The following BTK variants were observed in gnomAD, a reference collection of about 807,000 sequenced individuals.
BTK encodes the protein Bruton tyrosine kinase.
BTK carries 5 observed loss-of-function variants against 57.4 expected under a neutral mutation model. That is an observed-to-expected ratio of 0.09 (90% CI 0.05 to 0.18). BTK has a LOEUF of 0.18. Ranked by LOEUF, BTK falls within the 10% of genes least tolerant of loss-of-function variation. The pLI, the probability that BTK is intolerant of heterozygous loss-of-function variation, is 1.00. For missense variants in BTK, 194 were observed against 501.2 expected (o/e 0.39, Z 5.85); for synonymous variants, 154 against 174.3 (o/e 0.88, Z 0.92).
chrX:101,357,896 C>T (rs1309736148), intron 12 of BTK, among the ~76,000 whole-genome samples: 1 of 112,205 alleles, frequency 8.9e-6, no homozygotes, highest in Non-Finnish European at 1.9e-5. Flanking sequence ...ACTAATGTCT[C>T]AGTTTTTAGA....
In BTK at chrX:101,375,512, G is replaced by A. The variant is rs73250683; in HGVS notation, c.-30-198C>T. Among the ~76,000 whole-genome samples, 17,605 of 111,201 alleles carry A rather than the reference G, an allele frequency of 0.16. 1,255 individuals carry two copies. The highest frequency in any genetic ancestry group is 0.24 in the Admixed American group (2,534 of 10,411). On this transcript the variant is annotated intron_variant, in intron 1 of 18. Transcript: ENST00000308731. ...AATGGATGCACACTGAATTGGGGGG[G>A]GATTGGTTCGATGTTGTGAGCTCAT...
At chrX:101,369,957 C>T (rs1926972690) in intron 5 of BTK, 41 bp downstream of exon 5, 1 of 1,127,805 alleles carries the variant, frequency 8.9e-7, no homozygotes, top group African/African-American at 1.8e-5. Context: ...CCTTCCTTTC[C>T]TTCTTTCTTT....
rs1555976687 is a variant in BTK, at chrX:101,349,683, A to G, written c.*202T>C. ...TTAATTCTCTCGGGAAATTTCAGGC[A>G]CAATAATTTCTTGGCCTTTGCTCAG... On this transcript the variant is annotated 3_prime_UTR_variant, in exon 19 of 19. Coordinates refer to ENST00000308731, the MANE Select transcript of BTK (RefSeq NM_000061.3). 2 of 439,450 alleles carry G rather than the reference A, an allele frequency of 4.6e-6. No individual in the cohort carries two copies. Among genetic ancestry groups the G allele is most frequent in the African/African-American group, 2.4e-5 (1 of 40,926 alleles). 36.2% of individuals were successfully genotyped at this position (439,450 alleles called of 1,213,427 possible).
In BTK at chrX:101,349,922, A is replaced by G. The variant is rs1926218893; in HGVS notation, c.1943T>C (p.Leu648Pro). 8.3e-7 allele frequency: 1 copy of G among 1,208,058 alleles called. No homozygotes were observed. The highest frequency in any genetic ancestry group is 1.1e-6 in the Non-Finnish European group (1 of 894,182). Residue 648 changes from leucine (L) to proline (P), a missense_variant, in exon 19 of 19, where the codon CTG (leucine) becomes CCG (proline). Coordinates refer to ENST00000308731, the MANE Select transcript of BTK (RefSeq NM_000061.3). Reference sequence around the variant, plus strand: ...ATCCATGACATCTAGAATATTGCTCAGAAGAATTTTGAAAGTGGGACGCTC... The same window carrying G: ...ATCCATGACATCTAGAATATTGCTCGGAAGAATTTTGAAAGTGGGACGCTC... ...ADERPTFKILLSNILDVMDEE... is the reference protein window; with the variant it reads ...ADERPTFKILPSNILDVMDEE...
chrX:101,378,528 GACACACAC>G (rs72139259), intron 1 of BTK, among the ~76,000 whole-genome samples: 17 of 95,385 alleles, frequency 1.8e-4, no homozygotes, highest in African/African-American at 4.6e-4. Context: ...CAAACATACA[GACACACAC>G]ACACACACAC....
chrX:101,354,533 AAAAAG>A, intron 16 of BTK, 92 bp downstream of exon 16: 2 of 950,168 alleles, frequency 2.1e-6, no homozygotes, highest in Admixed American at 4.7e-5. Context: ...GAATGAGAAA[AAAAAG>A]AAAAGGAGAG....
chrX:101,384,890 A>C (rs782038874), intron 1 of BTK, among the ~76,000 whole-genome samples: 16 of 111,700 alleles, frequency 1.4e-4, no homozygotes, highest in Non-Finnish European at 1.7e-4. Context: ...TGGGGTCACC[A>C]ATCACTTTTA....
chrX:101,370,459 T>C (rs781835087), intron 4 of BTK, among the ~76,000 whole-genome samples: 5 of 111,926 alleles, frequency 4.5e-5, no homozygotes, highest in Non-Finnish European at 7.5e-5. Context: ...AGAAATGAAG[T>C]GATAATCTAT....
chrX:101,380,147 C>T (rs1167680495), intron 1 of BTK, among the ~76,000 whole-genome samples: 7 of 111,502 alleles, frequency 6.3e-5, no homozygotes, highest in African/African-American at 2.3e-4. Flanking sequence ...CACTCTGTCA[C>T]CCAGGATGGA....
At chrX:101,388,218 G>T (rs1409428089), upstream of BTK, among the ~76,000 whole-genome samples, 1 of 111,345 alleles carries the variant, frequency 9.0e-6, no homozygotes, top group Non-Finnish European at 1.9e-5. Flanking sequence ...CCTTTCTCAA[G>T]ATCCATCTTG....
At chrX:101,350,883 C>T (rs1926265421) in intron 18 of BTK, among the ~76,000 whole-genome samples, 1 of 112,411 alleles carries the variant, frequency 8.9e-6, no homozygotes, top group South Asian at 3.6e-4. Context: ...GATTCCTTGA[C>T]TCAGTGATTC....
Position 101,374,626 on chromosome X carries a change from G to A in BTK, c.150C>T (p.Gly50=). The A allele has an allele frequency of 8.4e-7, 1 of 1,197,576 alleles. No homozygotes were observed. The highest frequency in any genetic ancestry group is 1.8e-5 in the South Asian group (1 of 56,659). ...YEYDFERGRR[G]SKKGSIDVEK... ...CAACATCTATTGAACCCTTCTTACT[G>A]CCTCTTCTCTGAGAAGTAGAATGAG... The change falls in exon 3 of 19, where the codon GGC becomes GGT. Residue 50 remains glycine (G), a synonymous_variant. Coordinates refer to ENST00000308731, the MANE Select transcript of BTK (RefSeq NM_000061.3).
chrX:101,375,077 C>T (rs1159665700), intron 2 of BTK, 67 bp downstream of exon 2: 2 of 1,190,598 alleles, frequency 1.7e-6, no homozygotes, highest in Non-Finnish European at 2.3e-6. Context: ...TTACCTCTTC[C>T]CCAAGAAAGA....
chrX:101,380,112 C>T (rs1363460253), intron 1 of BTK, among the ~76,000 whole-genome samples: 2 of 110,686 alleles, frequency 1.8e-5, no homozygotes, highest in East Asian at 5.7e-4. Flanking sequence ...TCAAATATAC[C>T]TTCTATTTTT....
intron 18 of BTK, 66 bp from the exon 19 acceptor site, chrX:101,350,022 A>G: frequency 1.2e-6 from 1 of 813,036 alleles, no homozygotes; most frequent in Non-Finnish European, 1.9e-6. Context: ...AAATGCAATG[A>G]GTAAGCAGCA....
At chrX:101,362,877 A>G (rs782570423) in intron 5 of BTK, 188 bp from the exon 6 acceptor site, 3 of 537,610 alleles carry the variant, frequency 5.6e-6, no homozygotes, top group Non-Finnish European at 9.5e-6. Context: ...CTGGTCCCAG[A>G]CAGTTCCTGT....
chrX:101,358,465 C>T, intron 11 of BTK, 28 bp from the exon 12 acceptor site: 1 of 1,211,392 alleles, frequency 8.3e-7, no homozygotes, highest in Non-Finnish European at 1.1e-6. Flanking sequence ...TAGTCAGTAA[C>T]TTGGGCACAA....
At chrX:101,354,809 G>A (rs868910397) in intron 15 of BTK, 115 bp from the exon 16 acceptor site, 11 of 705,382 alleles carry the variant, frequency 1.6e-5, no homozygotes, top group Middle Eastern at 3.1e-4. Context: ...TTCGACTACA[G>A]ACACCTTCCC....
chrX:101,377,773 C>T (rs782284418), intron 1 of BTK: 11 of 111,651 alleles, frequency 9.9e-5, no homozygotes, highest in East Asian at 8.4e-4. Flanking sequence ...CACTAGCCAT[C>T]GCCCCTCTGA....
Sources: gnomAD v4.1 joint callset for allele counts (sites outside exome capture counted in the v4.1 genomes callset) on GRCh38, gnomAD v4.1.1 for gene constraint, MANE v1.5 for transcripts, NCBI Gene and HGNC (gene_info 2026-07-23, HGNC 2026-07-21) for gene names.